Variants in EPG5 observed in about 807,000 individuals in gnomAD.
The protein encoded by EPG5 is ectopic P-granules 5 autophagy tethering factor, also known as ectopic P granules protein 5 homolog.
A neutral mutation model predicts 302.7 loss-of-function variants in EPG5; 159 were observed. That is an observed-to-expected ratio of 0.53 (90% CI 0.46 to 0.60). The LOEUF is 0.60. Among genes scored for constraint, EPG5 ranks in the 20% least tolerant of loss-of-function variants. The pLI is 0.00. For missense variants in EPG5, 2,896 were observed against 3,092.4 expected, an observed-to-expected ratio of 0.94 and a Z score of 1.51; for synonymous variants, 1,158 against 1,136.8, an observed-to-expected ratio of 1.02 and a Z score of -0.37.
At chr18:45,944,796 A>G (rs1219643500) in intron 7 of EPG5, among the ~76,000 whole-genome samples, 1 of 152,244 alleles carries the variant, frequency 6.6e-6, no homozygotes, top group African/African-American at 2.4e-5. Context: ...AAGTTATGTT[A>G]GCTGCAATTC....
At chr18:45,861,199 A>C (rs1331144652) in intron 39 of EPG5, among the ~76,000 whole-genome samples, 1 of 152,194 alleles carries the variant, frequency 6.6e-6, no homozygotes, top group Non-Finnish European at 1.5e-5. Flanking sequence ...ACCCTCACTT[A>C]ATCTTTCTGT....
chr18:45,901,069 C>T lies in EPG5; in HGVS notation c.4573G>A (p.Ala1525Thr). ...TKPPVPVISS[A>T]VLLSQKDATQ... ...GCGTCCTTCTGACTCAATAGCACAG[C>T]AGAGGAAATAACTGGCACAGGAGGC... is the stretch of plus-strand genomic sequence containing the variant. The change falls in exon 26 of 44, where the codon GCT becomes ACT. Residue 1525 changes from alanine (A) to threonine (T), a missense_variant. Physicochemically the swap from Ala to Thr is moderately conservative, Grantham distance 58. This residue lies in a region of EPG5 where 790 missense variants were observed against 798.0 expected (regional missense o/e 0.99). Transcript: ENST00000282041. The T allele has an allele frequency of 6.2e-7, 1 of 1,614,200 alleles. No homozygotes were observed. Among genetic ancestry groups the T allele is most frequent in the Non-Finnish European group, 8.5e-7 (1 of 1,180,042 alleles).
the EPG5 span, among the ~76,000 whole-genome samples, chr18:45,830,752 ATTTTTT>A: frequency 2.3e-4 from 27 of 118,124 alleles, no homozygotes; most frequent in East Asian, 3.7e-3. Flanking sequence ...TGCCAGGCTA[ATTTTTT>A]TTTTTTTTTT....
chr18:45,942,069 C>T (rs906009056), intron 9 of EPG5, among the ~76,000 whole-genome samples: 2 of 152,064 alleles, frequency 1.3e-5, no homozygotes, highest in Admixed American at 6.6e-5. Flanking sequence ...ACTAAAAATA[C>T]AAAAAGTTAG....
chr18:45,951,687 G>A (rs1157425076), intron 3 of EPG5, among the ~76,000 whole-genome samples: 1 of 152,042 alleles, frequency 6.6e-6, no homozygotes, highest in Non-Finnish European at 1.5e-5. Flanking sequence ...TTGAACTCCT[G>A]ACCTCAAGTG....
rs770045624 is a variant in EPG5, at chr18:45,954,820, A to G, written c.582T>C (p.Asn194=). 6.2e-7 allele frequency: 1 copy of G among 1,614,200 alleles called. No homozygotes were observed. The highest frequency in any genetic ancestry group is 8.5e-7 in the Non-Finnish European group (1 of 1,180,026). Residue 194 remains asparagine, a synonymous_variant, in exon 2 of 44, where the codon AAT becomes AAC. Coordinates refer to ENST00000282041, the MANE Select transcript of EPG5 (RefSeq NM_020964.3). The part of the protein sequence containing the change: ...GLVCSSEVPQ[N]VGLQSSCPAK... ...CTGGGCAAGAACTCTGCAAGCCAACATTCTGTGGCACCTCTGAAGAACAAA... is the reference window on the plus strand; with the variant it reads ...CTGGGCAAGAACTCTGCAAGCCAACGTTCTGTGGCACCTCTGAAGAACAAA...
intron 31 of EPG5, among the ~76,000 whole-genome samples, chr18:45,881,518 T>C (rs1300090244): frequency 6.6e-6 from 1 of 152,232 alleles, no homozygotes; most frequent in African/African-American, 2.4e-5. Context: ...ATTTCTATGA[T>C]GTAACACAAA....
rs867152076 is a variant in EPG5, at chr18:45,889,669, G to A, written c.4952+129C>T. On this transcript the variant is annotated intron_variant, in intron 28 of 43. Transcript: ENST00000282041. ...GCAGGCCAGATTTGACTCAAAGGCC[G>A]TAGTTTGCTGATGTCTGTACTAAAT... 4.8e-5 allele frequency: 34 copies of A among 701,966 alleles called. No individual in the cohort carries two copies. The Middle Eastern group carries it at 1.8e-3, about 38-fold the overall frequency. The allele number at this position is 701,966 out of a possible 1,614,324, so 43.5% of individuals were successfully genotyped here. A position where few individuals can be genotyped will look rare whatever the true frequency, so the allele number is the denominator to read the frequency against.
intron 40 of EPG5, 128 bp downstream of exon 40, chr18:45,859,976 T>C (rs2048597985): frequency 8.2e-7 from 1 of 1,221,372 alleles, no homozygotes; most frequent in Admixed American, 2.2e-5. Flanking sequence ...CCACAACATT[T>C]GTAGAGCAGA....
chr18:45,917,082 G>A (rs1422117816), intron 17 of EPG5, among the ~76,000 whole-genome samples: 2 of 152,132 alleles, frequency 1.3e-5, no homozygotes, highest in African/African-American at 2.4e-5. Context: ...GAGACATACT[G>A]CTTGAAAAGA....
Position 45,899,443 on chromosome 18 carries a change from G to T in EPG5, c.4770C>A (p.Ser1590Arg). ...CTGCGGCTCCTTGGCATTTCTTACC[G>T]CTGCTGCCTCTGCACTCCAAATGTA... ...TTLHLECRGS[S>R]GKKCQGAAVV... Residue 1590 changes from serine (S) to arginine (R), a missense_variant, in exon 27 of 44, where the codon AGC becomes AGA. By Grantham distance (110) the Ser-to-Arg change is moderately radical. Around this residue, in one of 5 missense-constraint regions of EPG5, gnomAD observed 790 missense variants for 798.0 expected, o/e 0.99. Coordinates refer to ENST00000282041, the MANE Select transcript of EPG5 (RefSeq NM_020964.3). The T allele has an allele frequency of 6.2e-7, 1 of 1,614,044 alleles. No individual in the cohort carries two copies. Among genetic ancestry groups the T allele is most frequent in the Non-Finnish European group, 8.5e-7 (1 of 1,180,008 alleles).
At chr18:45,916,713 G>C (rs536573851) in intron 17 of EPG5, 131 bp from the exon 18 acceptor site, 2 of 903,550 alleles carry the variant, frequency 2.2e-6, no homozygotes, top group East Asian at 5.5e-5. Flanking sequence ...ATTTAAGAAG[G>C]GATTCTAGAA....
intron 23 of EPG5, among the ~76,000 whole-genome samples, chr18:45,909,463 C>A (rs2049841401): frequency 6.6e-6 from 1 of 152,122 alleles, no homozygotes; most frequent in Admixed American, 6.5e-5. Context: ...GCAAATAAAC[C>A]TAAGGCCTCA....
chr18:45,913,075 G>C (rs2049945383), intron 21 of EPG5, among the ~76,000 whole-genome samples: 1 of 149,506 alleles, frequency 6.7e-6, no homozygotes, highest in Non-Finnish European at 1.5e-5. Flanking sequence ...CGGGCGACAG[G>C]GCAAGACTCT....
At chr18:45,821,302 C>A in the EPG5 span, among the ~76,000 whole-genome samples, 1 of 152,140 alleles carries the variant, frequency 6.6e-6, no homozygotes, top group Non-Finnish European at 1.5e-5. Context: ...TGGGGCAGTG[C>A]CAAGGATATC....
rs114551626 is a variant in EPG5 at position 45,962,322 on chromosome 18, T to C, written c.63+4855A>G. Among the ~76,000 whole-genome samples, 1,060 of 152,328 alleles carry C rather than the reference T, an allele frequency of 7.0e-3. 10 individuals carry two copies. The highest frequency in any genetic ancestry group is 0.024 in the African/African-American group (995 of 41,576). ...TTCCTGTGACCTTCTGGGACACATC[T>C]TTCTGTCCTTAGCAATTACCAGATG... On this transcript the variant is annotated intron_variant, in intron 1 of 43. Transcript: ENST00000282041.
chr18:45,927,721 G>C (rs2050307677), intron 13 of EPG5, among the ~76,000 whole-genome samples: 1 of 151,866 alleles, frequency 6.6e-6, no homozygotes, highest in Non-Finnish European at 1.5e-5. Context: ...TATCATGCTA[G>C]CTGAAATAAA....
chr18:45,815,026 G>C, the EPG5 span, among the ~76,000 whole-genome samples: 1 of 152,130 alleles, frequency 6.6e-6, no homozygotes, highest in African/African-American at 2.4e-5. Flanking sequence ...GCTCTCAGGA[G>C]AGCCCTCTGC....
intron 1 of EPG5, among the ~76,000 whole-genome samples, chr18:45,956,269 A>G (rs755027156): frequency 2.6e-5 from 4 of 152,182 alleles, no homozygotes; most frequent in Non-Finnish European, 5.9e-5. Context: ...AAATAACTGA[A>G]GGAATGTGGT....
Sources: allele counts gnomAD v4.1 joint callset (sites outside exome capture counted in the v4.1 genomes callset), GRCh38; gene constraint gnomAD v4.1.1; regional missense constraint gnomAD v4.1.1; transcripts MANE v1.5; gene names NCBI Gene and HGNC (gene_info 2026-07-23, HGNC 2026-07-21).